Variants in CTNNA3 observed in about 807,000 individuals in gnomAD.
CTNNA3 encodes the protein catenin alpha 3.
A neutral mutation model predicts 95.7 loss-of-function variants in CTNNA3; 76 were observed. That is an observed-to-expected ratio of 0.79 (90% CI 0.66 to 0.96). The LOEUF is 0.96. Among genes scored for constraint, CTNNA3 ranks in the 40% least tolerant of loss-of-function variants. The pLI, the probability that CTNNA3 is intolerant of heterozygous loss-of-function variation, is 0.00. For missense variants in CTNNA3, 1,191 were observed against 1,089.8 expected (o/e 1.09, Z -1.31); for synonymous variants, 431 against 374.4 (o/e 1.15, Z -1.74).
chr10:66,187,617 T>C (rs753536369), intron 13 of CTNNA3, among the ~76,000 whole-genome samples: 55 of 151,936 alleles, frequency 3.6e-4, no homozygotes, highest in Non-Finnish European at 6.2e-4. Context: ...CTGGGAGACT[T>C]ATTGGTTCCA....
intron 3 of CTNNA3, among the ~76,000 whole-genome samples, chr10:67,594,165 T>C (rs770816823): frequency 7.9e-4 from 121 of 152,358 alleles, no homozygotes; most frequent in Non-Finnish European, 3.1e-4. Flanking sequence ...GCTTGTACTT[T>C]ATTGAGGCTT....
chr10:67,006,980 C>G (rs191572608), intron 7 of CTNNA3, among the ~76,000 whole-genome samples: 1 of 151,878 alleles, frequency 6.6e-6, no homozygotes, highest in Non-Finnish European at 1.5e-5. Flanking sequence ...GTTTTTAGTA[C>G]AGATGGGGTT....
intron 11 of CTNNA3, among the ~76,000 whole-genome samples, chr10:66,436,565 A>G (rs1189018211): frequency 1.2e-5 from 1 of 86,020 alleles, no homozygotes; most frequent in Non-Finnish European, 2.2e-5. Context: ...CAATCCCACT[A>G]TTTTTAGCCT....
intron 13 of CTNNA3, among the ~76,000 whole-genome samples, chr10:66,108,135 C>A (rs370228685): frequency 2.0e-5 from 3 of 151,980 alleles, no homozygotes; most frequent in African/African-American, 7.2e-5. Flanking sequence ...TTTGCAATGT[C>A]AAAATGGAGA....
chr10:66,257,559 A>G (rs1379022478), intron 13 of CTNNA3, among the ~76,000 whole-genome samples: 1 of 152,206 alleles, frequency 6.6e-6, no homozygotes, highest in Non-Finnish European at 1.5e-5. Flanking sequence ...CTCAAACTCT[A>G]AAACAAGTGC....
intron 13 of CTNNA3, among the ~76,000 whole-genome samples, chr10:66,274,338 T>G (rs552049277): frequency 6.6e-6 from 1 of 152,144 alleles, no homozygotes; most frequent in Non-Finnish European, 1.5e-5. Flanking sequence ...AAAACCATTC[T>G]TAGGCCACAG....
chr10:67,221,692 G>A (rs186235844), intron 5 of CTNNA3, among the ~76,000 whole-genome samples: 4 of 151,922 alleles, frequency 2.6e-5, no homozygotes, highest in East Asian at 1.9e-4. Flanking sequence ...CTCCTGCCTC[G>A]GCCTCCTGAG....
intron 9 of CTNNA3, among the ~76,000 whole-genome samples, chr10:66,685,210 T>A (rs568230024): frequency 0.036 from 2,451 of 67,850 alleles, 54 homozygotes; most frequent in South Asian, 0.1. Context: ...TATATACGTA[T>A]ATATATGTGT....
chr10:66,077,901 A>T (rs2169665), intron 14 of CTNNA3, among the ~76,000 whole-genome samples: 1 of 151,428 alleles, frequency 6.6e-6, no homozygotes, highest in African/African-American at 2.4e-5. Context: ...AGGGTTGGTA[A>T]ATTTGTTTAG....
At chr10:67,574,957 GT>G (rs1842097324) in intron 3 of CTNNA3, among the ~76,000 whole-genome samples, 1 of 152,132 alleles carries the variant, frequency 6.6e-6, no homozygotes, top group Non-Finnish European at 1.5e-5. Flanking sequence ...AATAGTAAAA[GT>G]TGAAAATCAC....
intron 5 of CTNNA3, among the ~76,000 whole-genome samples, chr10:67,480,931 T>C (rs1848198345): frequency 6.6e-6 from 1 of 152,186 alleles, no homozygotes. Flanking sequence ...AGCTTTATTC[T>C]AGGGACGCAA....
chr10:66,405,713 A>C (rs1377120040), intron 11 of CTNNA3, among the ~76,000 whole-genome samples: 1 of 152,176 alleles, frequency 6.6e-6, no homozygotes, highest in African/African-American at 2.4e-5. Context: ...CATACATCAT[A>C]ATGTACTTGA....
chr10:66,235,781 C>G lies in CTNNA3; in HGVS notation c.1884+44689G>C, dbSNP rs1436392640. On this transcript the variant is annotated intron_variant, in intron 13 of 17. Coordinates refer to ENST00000433211, the MANE Select transcript of CTNNA3 (RefSeq NM_013266.4). Reference sequence around the variant, plus strand: ...AAAATGAACAAAGCTATTAATCTGACAATTAATAGGGCCAGATTTAGCAAG... The same window carrying G: ...AAAATGAACAAAGCTATTAATCTGAGAATTAATAGGGCCAGATTTAGCAAG... Among the ~76,000 whole-genome samples the G allele has an allele frequency of 1.4e-3, 6 of 4,366 alleles. No homozygotes were observed. The Non-Finnish European group carries it at 0.019, about 14-fold the overall frequency. 2.9% of individuals were successfully genotyped at this position (4,366 alleles called of 152,430 possible).
At chr10:67,678,836 T>G in intron 1 of CTNNA3, among the ~76,000 whole-genome samples, 1 of 152,094 alleles carries the variant, frequency 6.6e-6, no homozygotes, top group East Asian at 1.9e-4. Context: ...TATCAGTCTA[T>G]TAGAAAAGTA....
chr10:67,223,540 T>A (rs1391067074), intron 5 of CTNNA3, among the ~76,000 whole-genome samples: 1 of 152,214 alleles, frequency 6.6e-6, no homozygotes. Context: ...AGACATTAAA[T>A]GTTTCCAGCT....
intron 5 of CTNNA3, among the ~76,000 whole-genome samples, chr10:67,283,417 C>T (rs940697407): frequency 9.2e-5 from 14 of 152,256 alleles, no homozygotes; most frequent in African/African-American, 2.4e-5. Context: ...GATGACCTTC[C>T]TCTAGGAACA....
chr10:66,851,633 T>TACACAC (rs35986426), intron 7 of CTNNA3, among the ~76,000 whole-genome samples: 20,966 of 143,852 alleles, frequency 0.15, 2,007 homozygotes, highest in East Asian at 0.38. Context: ...TTCTCTCACA[T>TACACAC]ACACACACAC....
At chr10:66,825,054 A>T (rs1468039565) in intron 7 of CTNNA3, among the ~76,000 whole-genome samples, 2 of 151,624 alleles carry the variant, frequency 1.3e-5, no homozygotes, top group East Asian at 1.9e-4. Context: ...AAAAAAAAAA[A>T]TTATTTAGAA....
intron 7 of CTNNA3, among the ~76,000 whole-genome samples, chr10:67,137,073 T>C (rs928803100): frequency 2.0e-5 from 3 of 151,992 alleles, no homozygotes; most frequent in Admixed American, 6.6e-5. Context: ...AAGGGTTGGA[T>C]GAGGAGAGGC....
Sources: allele counts gnomAD v4.1 joint callset (sites outside exome capture counted in the v4.1 genomes callset), GRCh38; gene constraint gnomAD v4.1.1; transcripts MANE v1.5; gene names NCBI Gene and HGNC (gene_info 2026-07-23, HGNC 2026-07-21).